The following HMCN1 variants were observed in gnomAD, a reference collection of about 807,000 sequenced individuals.
HMCN1 encodes the protein hemicentin-1.
Under a neutral mutation model 625.9 loss-of-function variants are expected in HMCN1, and 321 were observed. The ratio of observed to expected loss-of-function variants is 0.51; its 90% CI spans 0.47 to 0.56. The LOEUF is 0.56. Ranked by LOEUF, HMCN1 falls within the 20% of genes least tolerant of loss-of-function variation. The pLI, the probability that HMCN1 is intolerant of heterozygous loss-of-function variation, is 0.00. For synonymous variants in HMCN1, 2,425 were observed against 2,417.6 expected, an observed-to-expected ratio of 1.00 and a Z score of -0.09; for missense variants, 6,588 against 6,887.3, an observed-to-expected ratio of 0.96 and a Z score of 1.54.
intron 1 of HMCN1, among the ~76,000 whole-genome samples, chr1:185,756,321 T>C (rs535183866): frequency 3.3e-5 from 5 of 152,216 alleles, no homozygotes; most frequent in African/African-American, 1.2e-4. Context: ...TCTGCCATTG[T>C]GTCTTTAAGT....
chr1:185,778,423 C>T (rs371747806), intron 1 of HMCN1, among the ~76,000 whole-genome samples: 4 of 151,082 alleles, frequency 2.6e-5, no homozygotes, highest in East Asian at 1.9e-4. Flanking sequence ...TGTATACATG[C>T]GCCATGTTGG....
chr1:185,997,113 T>A (rs1208317546), intron 24 of HMCN1, among the ~76,000 whole-genome samples: 1 of 152,066 alleles, frequency 6.6e-6, no homozygotes, highest in Non-Finnish European at 1.5e-5. Context: ...TGTGGTACTA[T>A]GTGATTGGAT....
intron 11 of HMCN1, among the ~76,000 whole-genome samples, chr1:185,946,156 C>T (rs1016485529): frequency 2.0e-5 from 3 of 152,168 alleles, no homozygotes; most frequent in Admixed American, 6.5e-5. Context: ...AAGCGTTCTT[C>T]CAGCTACATT....
In HMCN1 at chr1:186,159,767, A is replaced by G. The variant is rs1353444601; in HGVS notation, c.15257-5344A>G. The stretch of plus-strand genomic sequence containing the variant: ...AACCAGCCTTGCATCCCAGGGATGA[A>G]GCCCACTTGATCATGGTGGATAAGC... On this transcript the variant is annotated intron_variant, in intron 97 of 106. Transcript: ENST00000271588. Among the ~76,000 whole-genome samples the G allele has an allele frequency of 3.3e-5, 5 of 152,342 alleles. No individual in the cohort carries two copies. In the South Asian group the frequency reaches 8.3e-4, roughly 25 times the overall value.
At chr1:185,961,685 C>T (rs1277630676) in intron 11 of HMCN1, among the ~76,000 whole-genome samples, 3 of 152,160 alleles carry the variant, frequency 2.0e-5, no homozygotes, top group African/African-American at 7.2e-5. Flanking sequence ...ACAAATATAT[C>T]AACATCCCAG....
chr1:185,858,073 T>A (rs909289280), intron 2 of HMCN1, among the ~76,000 whole-genome samples: 8 of 152,206 alleles, frequency 5.3e-5, no homozygotes, highest in Non-Finnish European at 1.0e-4. Flanking sequence ...CTTTTTCACT[T>A]ACTAGTTGTG....
At chr1:186,027,290 G>T (rs1655120459) in intron 36 of HMCN1, among the ~76,000 whole-genome samples, 1 of 152,076 alleles carries the variant, frequency 6.6e-6, no homozygotes, top group Non-Finnish European at 1.5e-5. Flanking sequence ...AATAATTCTG[G>T]AAGTTTTTAT....
chr1:185,948,285 G>A (rs1009737511), intron 11 of HMCN1, among the ~76,000 whole-genome samples: 12 of 152,106 alleles, frequency 7.9e-5, no homozygotes, highest in Non-Finnish European at 1.6e-4. Context: ...CATTTCATGC[G>A]TGTCCATGTG....
intron 82 of HMCN1, 86 bp from the exon 83 acceptor site, chr1:186,127,992 T>C: frequency 8.8e-7 from 1 of 1,131,316 alleles, no homozygotes; most frequent in Admixed American, 1.9e-5. Context: ...GAGAGTTTCT[T>C]GAGGGCCTAG....
chr1:185,787,966 A>G (rs1308889651), intron 1 of HMCN1, among the ~76,000 whole-genome samples: 3 of 152,128 alleles, frequency 2.0e-5, no homozygotes, highest in Non-Finnish European at 2.9e-5. Context: ...TATATACCAA[A>G]TCTTTATCTT....
chr1:185,873,264 A>T (rs1257492858), intron 4 of HMCN1, among the ~76,000 whole-genome samples: 2 of 152,168 alleles, frequency 1.3e-5, no homozygotes, highest in Non-Finnish European at 2.9e-5. Context: ...ACTACCAAAA[A>T]GTTACTGTGT....
intron 52 of HMCN1, among the ~76,000 whole-genome samples, chr1:186,074,186 G>A (rs548120686): frequency 2.6e-5 from 4 of 151,854 alleles, no homozygotes; most frequent in African/African-American, 7.2e-5. Flanking sequence ...ACCATAATAC[G>A]AATATATGTA....
At chr1:186,059,723 G>C (rs1657561767) in intron 46 of HMCN1, among the ~76,000 whole-genome samples, 1 of 152,018 alleles carries the variant, frequency 6.6e-6, no homozygotes. Flanking sequence ...CTTTGGTGAA[G>C]ACCCTATCAT....
chr1:185,966,485 C>G (rs767660018), intron 14 of HMCN1, among the ~76,000 whole-genome samples: 2 of 152,028 alleles, frequency 1.3e-5, no homozygotes, highest in African/African-American at 4.8e-5. Context: ...AATAAAATAA[C>G]AGTTATATGC....
At position 186,015,308 on chromosome 1, in the gene HMCN1, G is replaced by A. The variant is rs745892821; in HGVS notation, c.4780G>A (p.Ala1594Thr). Residue 1594 changes from alanine to threonine, a missense_variant, in exon 31 of 107, where the codon GCA (alanine) becomes ACA (threonine). Physicochemically the swap from Ala to Thr is moderately conservative, Grantham distance 58. This residue lies in a region of HMCN1 where 4,628 missense variants were observed against 4,853.1 expected (regional missense o/e 0.95). Coordinates refer to ENST00000271588, the MANE Select transcript of HMCN1 (RefSeq NM_031935.3). Reference sequence around the variant, plus strand: ...GCAGCCAATCATGTCCAGCTCACAAGCACTTTATATTGATAAAGGACAATA... The same window carrying A: ...GCAGCCAATCATGTCCAGCTCACAAACACTTTATATTGATAAAGGACAATA... ...DGQPIMSSSQ[A>T]LYIDKGQYLH... The A allele has an allele frequency of 3.1e-6, 5 of 1,613,792 alleles. No individual in the cohort carries two copies. The highest frequency in any genetic ancestry group is 3.3e-5 in the Admixed American group (2 of 59,958).
intron 35 of HMCN1, among the ~76,000 whole-genome samples, chr1:186,021,816 A>G (rs553530599): frequency 6.6e-5 from 10 of 152,196 alleles, no homozygotes; most frequent in African/African-American, 2.2e-4. Context: ...TGAATTTTAA[A>G]CAAATTATTC....
intron 11 of HMCN1, among the ~76,000 whole-genome samples, chr1:185,955,378 GA>G (rs371044222): frequency 4.6e-5 from 7 of 151,444 alleles, no homozygotes; most frequent in African/African-American, 1.7e-4. Flanking sequence ...AATGCATAGA[GA>G]AAAAAAAGAA....
chr1:185,782,792 T>G (rs984532256), intron 1 of HMCN1, among the ~76,000 whole-genome samples: 1 of 152,214 alleles, frequency 6.6e-6, no homozygotes, highest in Non-Finnish European at 1.5e-5. Flanking sequence ...TTTCCTTCAT[T>G]TCAACCTTGG....
At chr1:186,061,672 AC>A (rs1320242826) in intron 46 of HMCN1, among the ~76,000 whole-genome samples, 178 bp from the exon 47 acceptor site, 5 of 152,138 alleles carry the variant, frequency 3.3e-5, no homozygotes, top group African/African-American at 1.2e-4. Flanking sequence ...ATTTTTCTGA[AC>A]TATTTTGTTT....
Sources: allele counts gnomAD v4.1 joint callset (sites outside exome capture counted in the v4.1 genomes callset), GRCh38; gene constraint gnomAD v4.1.1; regional missense constraint gnomAD v4.1.1; transcripts MANE v1.5; gene names NCBI Gene and HGNC (gene_info 2026-07-23, HGNC 2026-07-21).